FHIP1A: variants seen among roughly 807,000 people sequenced by gnomAD.
FHIP1A encodes FHF complex subunit HOOK interacting protein 1A.
A neutral mutation model predicts 88.6 loss-of-function variants in FHIP1A; 61 were observed. That is an observed-to-expected ratio of 0.69 (90% confidence interval 0.56 to 0.85). The LOEUF (loss-of-function observed/expected upper bound fraction) is 0.85. FHIP1A is among the 40% of genes least tolerant of loss of function. The pLI is 0.00. For missense variants in FHIP1A, 1,154 were observed against 1,273.5 expected, an observed-to-expected ratio of 0.91 and a Z score of 1.43; for synonymous variants, 478 against 496.0, an observed-to-expected ratio of 0.96 and a Z score of 0.48.
intron 2 of FHIP1A, among the ~76,000 whole-genome samples, chr4:151,461,567 A>G (rs1412627627): frequency 6.6e-6 from 1 of 152,244 alleles, no homozygotes; most frequent in South Asian, 2.1e-4. Flanking sequence ...ACTATACATT[A>G]TATGTATCAA....
At chr4:151,520,362 TTGTG>T (rs947165502) in intron 3 of FHIP1A, among the ~76,000 whole-genome samples, 2 of 152,116 alleles carry the variant, frequency 1.3e-5, no homozygotes, top group African/African-American at 4.8e-5. Flanking sequence ...AAAATCCTGA[TTGTG>T]TGTGTGGGAG....
At position 151,638,690 on chromosome 4, in the gene FHIP1A, C is replaced by T. The variant is rs1381194098; in HGVS notation, c.1160C>T (p.Ser387Phe). The change falls in exon 9 of 14, where the codon TCT (serine) becomes TTT (phenylalanine). Residue 387 changes from serine (S) to phenylalanine (F), a missense_variant. Ser to Phe is a radical substitution (Grantham distance 155, BLOSUM62 -2). Coordinates refer to ENST00000435205, the MANE Select transcript of FHIP1A (RefSeq NM_001109977.3). Reference sequence around the variant, plus strand: ...CTTGCTTCCCAGCTTTGTGTGGTGTCTCTGGCATTATTCAGAACTCTCATT... The same window carrying T: ...CTTGCTTCCCAGCTTTGTGTGGTGTTTCTGGCATTATTCAGAACTCTCATT... ...INTPFRLCVV[S>F]LALFRTLIGL... The T allele has an allele frequency of 6.5e-7, 1 of 1,548,800 alleles. No homozygotes were observed. The highest frequency in any genetic ancestry group is 8.7e-7 in the Non-Finnish European group (1 of 1,145,020).
chr4:151,634,676 G>T (rs927146249), intron 8 of FHIP1A, among the ~76,000 whole-genome samples: 1 of 151,762 alleles, frequency 6.6e-6, no homozygotes, highest in African/African-American at 2.4e-5. Flanking sequence ...TCAACAAATG[G>T]TAATGGTAAA....
chr4:151,478,769 C>A (rs1729798696), intron 2 of FHIP1A, among the ~76,000 whole-genome samples: 1 of 152,016 alleles, frequency 6.6e-6, no homozygotes, highest in Non-Finnish European at 1.5e-5. Context: ...GAACCTTGGA[C>A]AATAACTACT....
At chr4:151,603,624 C>A (rs1015908940) in intron 7 of FHIP1A, among the ~76,000 whole-genome samples, 3 of 152,188 alleles carry the variant, frequency 2.0e-5, no homozygotes, top group Non-Finnish European at 4.4e-5. Flanking sequence ...CCTGTTGCTT[C>A]CTCAAACTTA....
intron 3 of FHIP1A, among the ~76,000 whole-genome samples, chr4:151,555,329 C>T (rs1190764528): frequency 6.6e-6 from 1 of 152,012 alleles, no homozygotes; most frequent in Non-Finnish European, 1.5e-5. Flanking sequence ...CATCTGGCAT[C>T]AAATCAACAG....
rs192200659 is a variant in FHIP1A at position 151,431,414 on chromosome 4, A to T, written c.-356+21949A>T. On this transcript the variant is annotated intron_variant, in intron 1 of 13. Coordinates refer to ENST00000435205, the MANE Select transcript of FHIP1A (RefSeq NM_001109977.3). ...TAAGCCCCTTATTATTATTGTTTTT[A>T]AAAAAATCATTCTTAAGCTGGGGTC... Among the ~76,000 whole-genome samples the T allele has an allele frequency of 1.5e-3, 231 of 152,258 alleles. 3 individuals are homozygous for T. The highest frequency in any genetic ancestry group is 6.8e-3 in the Middle Eastern group (2 of 294).
chr4:151,523,599 T>C (rs867740522), intron 3 of FHIP1A, among the ~76,000 whole-genome samples: 1 of 152,224 alleles, frequency 6.6e-6, no homozygotes, highest in African/African-American at 2.4e-5. Flanking sequence ...AAGGTGCTCT[T>C]AGGGGTTGGG....
intron 7 of FHIP1A, among the ~76,000 whole-genome samples, chr4:151,604,366 C>T (rs999614212): frequency 6.6e-6 from 1 of 152,052 alleles, no homozygotes; most frequent in African/African-American, 2.4e-5. Context: ...ATCTGTGGTT[C>T]CCAAACAGTG....
intron 2 of FHIP1A, among the ~76,000 whole-genome samples, chr4:151,478,241 TATA>T (rs1207607131): frequency 6.6e-6 from 1 of 152,204 alleles, no homozygotes; most frequent in African/African-American, 2.4e-5. Context: ...TATGAAATAG[TATA>T]ATATGTTTAT....
intron 9 of FHIP1A, among the ~76,000 whole-genome samples, chr4:151,644,793 T>C (rs1477926630): frequency 1.3e-5 from 2 of 152,126 alleles, no homozygotes; most frequent in Non-Finnish European, 2.9e-5. Flanking sequence ...CTGCTGCCCC[T>C]GTTCCTGCTG....
intron 7 of FHIP1A, among the ~76,000 whole-genome samples, chr4:151,609,751 C>G (rs1295316110): frequency 2.0e-5 from 3 of 152,086 alleles, no homozygotes; most frequent in African/African-American, 7.2e-5. Context: ...CCAGATCTTT[C>G]CTCTCATTTT....
intron 3 of FHIP1A, among the ~76,000 whole-genome samples, chr4:151,498,559 T>G (rs1408708742): frequency 6.6e-6 from 1 of 152,174 alleles, no homozygotes; most frequent in Non-Finnish European, 1.5e-5. Flanking sequence ...CTCACGCCTG[T>G]AATCCTAGCA....
In FHIP1A at chr4:151,629,873, A is replaced by G. The variant is rs888858851; in HGVS notation, c.1146+4A>G. ...TCGAATCAACACCCCGTTTCGGGTA[A>G]GGAGAGCGCCAGAGGAAGGGAACTT... On this transcript the variant is annotated splice_donor_region_variant and intron_variant, in intron 8 of 13. Transcript: ENST00000435205. 1.7e-5 allele frequency: 26 copies of G among 1,550,290 alleles called. 1 individual carries two copies. In the Admixed American group the frequency reaches 4.7e-4, roughly 28 times the overall value.
intron 3 of FHIP1A, among the ~76,000 whole-genome samples, chr4:151,527,804 C>A (rs1731734610): frequency 6.6e-6 from 1 of 152,058 alleles, no homozygotes. Context: ...AATGAATAAC[C>A]TTGAGATACT....
At chr4:151,590,921 G>A (rs1057327178) in intron 7 of FHIP1A, among the ~76,000 whole-genome samples, 15 of 152,122 alleles carry the variant, frequency 9.9e-5, no homozygotes, top group Admixed American at 7.2e-4. Flanking sequence ...AATGAGAAGC[G>A]AATGTTACTG....
rs1729937831 is a variant in FHIP1A, at chr4:151,482,578, T to G, written c.-193T>G. 6.6e-6 allele frequency: 1 copy of G among 152,110 alleles called. No individual in the cohort carries two copies. The highest frequency in any genetic ancestry group is 3.2e-3 in the Middle Eastern group (1 of 316). 9.4% of individuals were successfully genotyped at this position (152,110 alleles called of 1,614,324 possible). A position where few individuals can be genotyped will look rare whatever the true frequency, so the allele number is the denominator to read the frequency against. On this transcript the variant is annotated 5_prime_UTR_variant, in exon 3 of 14. Coordinates refer to ENST00000435205, the MANE Select transcript of FHIP1A (RefSeq NM_001109977.3). ...AGCAGAGCCAAATGTTAGAAAAATC[T>G]TTCCGCTCCTCTGAAGAGTGAAGTG...
Position 151,566,277 on chromosome 4 carries a change from G to C in FHIP1A, c.18G>C (p.Ser6=), listed in dbSNP as rs1040393362. ...GAAGGCTTATGATGTCATCGGTTTC[G>C]ACAGAAAGCAAACTCCAGCAGGCTG... MMSSV[S]TESKLQQAVS... is the part of the protein sequence containing the mutation. The change falls in exon 4 of 14, where the codon TCG becomes TCC. Residue 6 remains serine (S), a synonymous_variant. Coordinates refer to ENST00000435205, the MANE Select transcript of FHIP1A (RefSeq NM_001109977.3). The C allele has an allele frequency of 5.8e-6, 9 of 1,549,766 alleles. No homozygotes were observed. In the East Asian group the frequency reaches 2.2e-4, roughly 38 times the overall value.
intron 3 of FHIP1A, among the ~76,000 whole-genome samples, chr4:151,502,724 G>A (rs1391803498): frequency 6.6e-6 from 1 of 152,122 alleles, no homozygotes; most frequent in Non-Finnish European, 1.5e-5. Flanking sequence ...TTTCATTTGA[G>A]GCCATTCAGT....
Sources: gnomAD v4.1 joint callset for allele counts (sites outside exome capture counted in the v4.1 genomes callset) on GRCh38, gnomAD v4.1.1 for gene constraint, MANE v1.5 for transcripts, NCBI Gene and HGNC (gene_info 2026-07-23, HGNC 2026-07-21) for gene names.